The following POFUT1 variants were observed in gnomAD, a reference collection of about 807,000 sequenced individuals.
The protein encoded by POFUT1 is GDP-fucose protein O-fucosyltransferase 1.
In POFUT1, 16 loss-of-function variants were observed where a neutral mutation model predicts 42.4. The ratio of observed to expected loss-of-function variants is 0.38; its 90% CI spans 0.26 to 0.57. The LOEUF is 0.57. Among genes scored for constraint, POFUT1 ranks in the 20% least tolerant of loss-of-function variants. POFUT1 has a pLI of 0.71. For missense variants in POFUT1, 470 were observed against 504.6 expected (o/e 0.93, Z 0.66); for synonymous variants, 206 against 205.4 (o/e 1.00, Z -0.03).
intron 4 of POFUT1, chr20:32,223,244 G>T: frequency 1.0e-6 from 1 of 985,434 alleles, no homozygotes. Flanking sequence ...AGCAGTCACC[G>T]GGAGGTGGTG....
chr20:32,225,104 G>T (rs1428132008), intron 4 of POFUT1, among the ~76,000 whole-genome samples: 1 of 152,100 alleles, frequency 6.6e-6, no homozygotes, highest in African/African-American at 2.4e-5. Flanking sequence ...AATTAGCTTG[G>T]CTGTACTATT....
chr20:32,230,672 G>A (rs1279469851), intron 5 of POFUT1, 147 bp from the exon 6 acceptor site: 13 of 871,458 alleles, frequency 1.5e-5, no homozygotes, highest in Non-Finnish European at 2.0e-5. Flanking sequence ...TCCAGCCTGG[G>A]TGACAGAGTG....
At chr20:32,234,401 G>T in intron 6 of POFUT1, 72 bp from the exon 7 acceptor site, 1 of 1,351,942 alleles carries the variant, frequency 7.4e-7, no homozygotes, top group African/African-American at 1.5e-5. Flanking sequence ...CAGGGAATAA[G>T]GTTGGGGGTG....
intron 6 of POFUT1, among the ~76,000 whole-genome samples, chr20:32,233,438 TAAG>T (rs1406652346): frequency 6.6e-6 from 1 of 152,106 alleles, no homozygotes; most frequent in African/African-American, 2.4e-5. Flanking sequence ...GGGGGTGGGA[TAAG>T]AAGAGGCCCA....
chr20:32,231,710 A>G (rs2047444723), intron 6 of POFUT1, among the ~76,000 whole-genome samples: 1 of 152,204 alleles, frequency 6.6e-6, no homozygotes, highest in African/African-American at 2.4e-5. Flanking sequence ...CCTATCTCAT[A>G]GGGCAGTTGT....
rs752658183 is a variant in POFUT1 at position 32,207,961 on chromosome 20, C to T, written c.20C>T (p.Ala7Val). 5.0e-6 allele frequency: 8 copies of T among 1,590,804 alleles called. No homozygotes were observed. The South Asian group carries it at 5.6e-5, about 11-fold the overall frequency. Residue 7 changes from alanine (A) to valine (V), a missense_variant, in exon 1 of 7, where the codon GCA becomes GTA. Physicochemically the swap from Ala to Val is moderately conservative, Grantham distance 64. Transcript: ENST00000375749. MGAAAW[A>V]RPLSVSFLLL... The stretch of plus-strand genomic sequence containing the variant: ...GCCGACATGGGCGCCGCCGCGTGGG[C>T]ACGGCCGCTGAGCGTGTCTTTCCTG...
chr20:32,207,897 C>T lies in POFUT1; in HGVS notation c.-45C>T, dbSNP rs767656405. ...GGGCGGGCGCTCGCGTCCCTCCTTC[C>T]CTCCCCGACTGTGCGCCGCGGCTGG... On this transcript the variant is annotated 5_prime_UTR_variant, in exon 1 of 7. Transcript: ENST00000375749. The T allele has an allele frequency of 1.5e-5, 23 of 1,507,158 alleles. No homozygotes were observed. Among genetic ancestry groups the T allele is most frequent in the Middle Eastern group, 2.3e-4 (1 of 4,284 alleles). The allele number at this position is 1,507,158 out of a possible 1,614,324, so 93.4% of individuals were successfully genotyped here.
chr20:32,223,446 C>G, intron 4 of POFUT1: 1 of 985,408 alleles, frequency 1.0e-6, no homozygotes, highest in Non-Finnish European at 1.2e-6. Context: ...GACACACATT[C>G]CAAGTCTGGA....
rs10432762 is a variant in POFUT1, at chr20:32,225,469, G to A, written c.543-2794G>A. ...CCCAAAGTTCTAGGATTACAGGCGT[G>A]AGCCACCGCGCCCGGTCAACTTTTT... On this transcript the variant is annotated intron_variant, in intron 4 of 6. Coordinates refer to ENST00000375749, the MANE Select transcript of POFUT1 (RefSeq NM_015352.2). Among the ~76,000 whole-genome samples the A allele has an allele frequency of 4.6e-3, 696 of 151,556 alleles. 31 individuals carry two copies. The East Asian group carries it at 0.11, about 24-fold the overall frequency.
At position 32,210,024 on chromosome 20, in the gene POFUT1, C is replaced by G. The variant is rs1477486857; in HGVS notation, c.125-47C>G. 3.1e-6 allele frequency: 5 copies of G among 1,612,208 alleles called. No homozygotes were observed. The South Asian group carries it at 4.4e-5, about 14-fold the overall frequency. ...CTTTCTGAGCCCTGCATGCTCTATG[C>G]CCTCCATGCCCCAGGCCTCACCTCA... is the stretch of plus-strand genomic sequence containing the variant. On this transcript the variant is annotated intron_variant, in intron 1 of 6. Transcript: ENST00000375749.
intron 4 of POFUT1, chr20:32,223,620 GGCCTATAGTA>G (rs2047400880): frequency 1.0e-6 from 1 of 985,228 alleles, no homozygotes; most frequent in South Asian, 4.7e-5. Flanking sequence ...CTGAAGACCT[GGCCTATAGTA>G]GCTACTCAGG....
chr20:32,229,899 T>G (rs1297633946), intron 5 of POFUT1, among the ~76,000 whole-genome samples: 1 of 151,986 alleles, frequency 6.6e-6, no homozygotes. Context: ...CACCTCAGCC[T>G]CCTGGGTAGC....
Position 32,237,769 on chromosome 20 carries a change from CAGGG to C in POFUT1, c.*3109_*3112del. 1.1e-5 allele frequency: 6 copies of C among 534,644 alleles called. No homozygotes were observed. The highest frequency in any genetic ancestry group is 2.3e-5 in the Non-Finnish European group (6 of 260,044). 33.1% of individuals were successfully genotyped at this position (534,644 alleles called of 1,614,324 possible). On this transcript the variant is annotated 3_prime_UTR_variant, in exon 7 of 7. Transcript: ENST00000375749. ...AAGGGTGAAAGCAGAGAGACCAGTG[CAGGG>C]CTGTTAACAGGGTTGCAGGCGAGAG...
At chr20:32,230,500 G>A (rs2047436993) in intron 5 of POFUT1, among the ~76,000 whole-genome samples, 1 of 151,718 alleles carries the variant, frequency 6.6e-6, no homozygotes, top group Admixed American at 6.6e-5. Context: ...TTCAAGACCA[G>A]CCTGGCCAAC....
chr20:32,220,692 G>A (rs546623866), intron 4 of POFUT1, among the ~76,000 whole-genome samples: 9 of 151,964 alleles, frequency 5.9e-5, no homozygotes, highest in African/African-American at 1.2e-4. Context: ...GCAGTGAGCC[G>A]AGATTGTGCC....
At chr20:32,215,242 G>A (rs1163338773) in intron 2 of POFUT1, 27 bp from the exon 3 acceptor site, 1 of 1,587,174 alleles carries the variant, frequency 6.3e-7, no homozygotes. Flanking sequence ...CACTGAGACG[G>A]GACCTCTGCT....
chr20:32,216,335 G>C (rs2047359988), intron 3 of POFUT1, among the ~76,000 whole-genome samples: 1 of 152,180 alleles, frequency 6.6e-6, no homozygotes, highest in Admixed American at 6.5e-5. Flanking sequence ...TCCAAGGTCT[G>C]CTTCTCCCCA....
intron 4 of POFUT1, among the ~76,000 whole-genome samples, chr20:32,227,001 T>C (rs1600392334): frequency 2.0e-5 from 3 of 152,220 alleles, no homozygotes; most frequent in Admixed American, 2.0e-4. Flanking sequence ...CATGCCTAAC[T>C]GCCAAACTGT....
chr20:32,217,050 A>G (rs941878066), intron 4 of POFUT1: 19 of 1,614,030 alleles, frequency 1.2e-5, no homozygotes, highest in Non-Finnish European at 1.4e-5. Flanking sequence ...TCCCAAGGTG[A>G]AACTGGAAGC....
Sources: gnomAD v4.1 joint callset for allele counts (sites outside exome capture counted in the v4.1 genomes callset) on GRCh38, gnomAD v4.1.1 for gene constraint, MANE v1.5 for transcripts, NCBI Gene and HGNC (gene_info 2026-07-23, HGNC 2026-07-21) for gene names.